Variants in COL4A1 observed in about 807,000 individuals in gnomAD.
COL4A1 encodes collagen alpha-1(IV) chain.
COL4A1 carries 40 observed loss-of-function variants against 216.6 expected under a neutral mutation model. The observed-to-expected ratio is 0.18, with a 90% CI of 0.14 to 0.24. The LOEUF is 0.24. Ranked by LOEUF, COL4A1 falls within the 10% of genes least tolerant of loss-of-function variation. The pLI is 1.00. For missense variants in COL4A1, 1,628 were observed against 2,196.8 expected, an observed-to-expected ratio of 0.74 and a Z score of 5.18; for synonymous variants, 839 against 810.7, an observed-to-expected ratio of 1.03 and a Z score of -0.59.
rs749230953 is a variant in COL4A1 at position 110,210,065 on chromosome 13, G to C, written c.553-23C>G. The C allele has an allele frequency of 7.4e-6, 12 of 1,613,958 alleles. 1 individual carries two copies. The South Asian group carries it at 9.9e-5, about 13-fold the overall frequency. ...GCCCTAGAATGCATGAGAAAGAAAT[G>C]AGTTCAGATGCGAACTGGGAGGGTG... On this transcript the variant is annotated intron_variant, in intron 9 of 51. Transcript: ENST00000375820.
At position 110,219,647 on chromosome 13, in the gene COL4A1, A is replaced by AAAATATATATATGTATAT. The variant is rs1555307829; in HGVS notation, c.145-5633_145-5632insATATACATATATATATTT. 5.3e-5 allele frequency among the ~76,000 whole-genome samples: 5 copies of AAAATATATATATGTATAT among 95,154 alleles called. No individual in the cohort carries two copies. In the Admixed American group the frequency reaches 6.5e-4, roughly 12 times the overall value. 62.4% of individuals were successfully genotyped at this position (95,154 alleles called of 152,430 possible). On this transcript the variant is annotated intron_variant, in intron 2 of 51. Transcript: ENST00000375820. ...CCCAATAAGCCCATTGTAAGTTGAAAATATATATATATATGTATATATATA... is the reference window on the plus strand; with the variant it reads ...CCCAATAAGCCCATTGTAAGTTGAAAAAATATATATATGTATATATATATATATATATGTATATATATA...
intron 1 of COL4A1, among the ~76,000 whole-genome samples, chr13:110,288,274 A>AAAATAATAAT (rs1555316110): frequency 1.4e-5 from 2 of 139,458 alleles, no homozygotes; most frequent in African/African-American, 2.7e-5. Flanking sequence ...AAAAAAAAAA[A>AAAATAATAAT]AATAATAATA....
At position 110,164,910 on chromosome 13, in the gene COL4A1, G is replaced by C; in HGVS notation, c.4102C>G (p.Pro1368Ala). Residue 1368 changes from proline to alanine, a missense_variant, in exon 46 of 52, where the codon CCA becomes GCA. Coordinates refer to ENST00000375820, the MANE Select transcript of COL4A1 (RefSeq NM_001845.6). ...EPGLPGPEGPPGLKGLQGLPG... is the reference protein window; with the variant it reads ...EPGLPGPEGPAGLKGLQGLPG... ...AGTCCCTGAAGCCCTTTCAGCCCTG[G>C]GGGGCCCTCAGGACCAGGGAGCCCG... is the stretch of plus-strand genomic sequence containing the variant. 6.2e-7 allele frequency: 1 copy of C among 1,608,564 alleles called. No homozygotes were observed. Among genetic ancestry groups the C allele is most frequent in the East Asian group, 2.2e-5 (1 of 44,668 alleles).
At chr13:110,234,444 G>A (rs558875558) in intron 2 of COL4A1, among the ~76,000 whole-genome samples, 1 of 152,118 alleles carries the variant, frequency 6.6e-6, no homozygotes, top group Non-Finnish European at 1.5e-5. Flanking sequence ...TAGCCAGGTG[G>A]GGGGGTACAC....
intron 45 of COL4A1, among the ~76,000 whole-genome samples, 153 bp from the exon 46 acceptor site, chr13:110,165,143 A>G (rs1007820916): frequency 7.9e-5 from 12 of 152,218 alleles, no homozygotes; most frequent in African/African-American, 2.9e-4. Context: ...AGATCTTCAC[A>G]AAACATGTCC....
At chr13:110,253,273 A>C (rs1882280243) in intron 1 of COL4A1, among the ~76,000 whole-genome samples, 1 of 131,094 alleles carries the variant, frequency 7.6e-6, no homozygotes, top group Non-Finnish European at 1.6e-5. Flanking sequence ...ATATATACAT[A>C]TAATTATATG....
intron 29 of COL4A1, among the ~76,000 whole-genome samples, chr13:110,180,449 G>A (rs189059309): frequency 6.6e-6 from 1 of 152,172 alleles, no homozygotes; most frequent in Non-Finnish European, 1.5e-5. Flanking sequence ...CCAGAGGCAC[G>A]GCCCCTGTGG....
chr13:110,152,289 C>A, intron 51 of COL4A1, 45 bp downstream of exon 51: 1 of 1,611,630 alleles, frequency 6.2e-7, no homozygotes, highest in South Asian at 1.1e-5. Flanking sequence ...AAAATAAAGT[C>A]ACAAAGGGGC....
At chr13:110,166,414 G>C in intron 44 of COL4A1, 111 bp from the exon 45 acceptor site, 1 of 778,354 alleles carries the variant, frequency 1.3e-6, no homozygotes, top group Non-Finnish European at 2.4e-6. Flanking sequence ...CAAATGTATA[G>C]ATAAATGCAT....
chr13:110,213,353 TC>T (rs1488126593), intron 4 of COL4A1, among the ~76,000 whole-genome samples: 5 of 152,178 alleles, frequency 3.3e-5, no homozygotes, highest in Non-Finnish European at 2.9e-5. Context: ...ATAACTCTGC[TC>T]CCATTTCATC....
chr13:110,264,425 A>G (rs1882946069), intron 1 of COL4A1, among the ~76,000 whole-genome samples: 1 of 152,178 alleles, frequency 6.6e-6, no homozygotes, highest in African/African-American at 2.4e-5. Flanking sequence ...ACCTGCGCCC[A>G]AAACCAAATC....
chr13:110,195,860 C>T (rs151295987), intron 21 of COL4A1, among the ~76,000 whole-genome samples: 28 of 152,312 alleles, frequency 1.8e-4, no homozygotes, highest in Non-Finnish European at 2.8e-4. Flanking sequence ...CATGCACCAG[C>T]ACTGAAGGCC....
At chr13:110,204,457 G>A (rs1458715143) in intron 17 of COL4A1, among the ~76,000 whole-genome samples, 1 of 151,958 alleles carries the variant, frequency 6.6e-6, no homozygotes, top group Non-Finnish European at 1.5e-5. Flanking sequence ...TTTGTCCCTG[G>A]CTTTAATAAA....
At chr13:110,200,619 C>T (rs1879145545) in intron 20 of COL4A1, among the ~76,000 whole-genome samples, 1 of 152,092 alleles carries the variant, frequency 6.6e-6, no homozygotes, top group Non-Finnish European at 1.5e-5. Context: ...TCTGGATCCC[C>T]AGGAGAGACA....
chr13:110,247,254 AAAT>A (rs1172124183), intron 1 of COL4A1, among the ~76,000 whole-genome samples: 1 of 152,192 alleles, frequency 6.6e-6, no homozygotes, highest in Non-Finnish European at 1.5e-5. Context: ...ACAGAAAAGA[AAAT>A]AATAATAATA....
chr13:110,203,307 A>C (rs1337606650), intron 18 of COL4A1, among the ~76,000 whole-genome samples: 3 of 152,250 alleles, frequency 2.0e-5, no homozygotes, highest in Non-Finnish European at 4.4e-5. Context: ...AAATTATCAA[A>C]ATATAATAAA....
intron 41 of COL4A1, among the ~76,000 whole-genome samples, 190 bp from the exon 42 acceptor site, chr13:110,170,922 T>G (rs1241713217): frequency 6.6e-6 from 1 of 152,138 alleles, no homozygotes. Flanking sequence ...CACACTAGAA[T>G]CCGACCATGG....
In COL4A1 at chr13:110,205,436, C is replaced by CA. The variant is rs1447875201; in HGVS notation, c.904-31dup. ...AACCGAAGAGAGAAGCAGTAACCGT[C>CA]AGAGGCCAGTGGTAGGAACAGTGAG... On this transcript the variant is annotated intron_variant, in intron 16 of 51. Coordinates refer to ENST00000375820, the MANE Select transcript of COL4A1 (RefSeq NM_001845.6). 3 of 1,613,988 alleles carry CA rather than the reference C, an allele frequency of 1.9e-6. No homozygotes were observed. In the African/African-American group the frequency reaches 4.0e-5, roughly 22 times the overall value.
chr13:110,259,908 T>C (rs989671862), intron 1 of COL4A1, among the ~76,000 whole-genome samples: 9 of 152,150 alleles, frequency 5.9e-5, no homozygotes. Flanking sequence ...AGCCAAAATA[T>C]CAGCTTCCCA....
Sources: allele counts gnomAD v4.1 joint callset (sites outside exome capture counted in the v4.1 genomes callset), GRCh38; gene constraint gnomAD v4.1.1; transcripts MANE v1.5; gene names NCBI Gene and HGNC (gene_info 2026-07-23, HGNC 2026-07-21).